RAPGEF4: variants seen among roughly 807,000 people sequenced by gnomAD.
RAPGEF4 encodes the protein RAP guanine-nucleotide-exchange factor (GEF) 4.
In RAPGEF4, 66 loss-of-function variants were observed where a neutral mutation model predicts 147.9. That is an observed-to-expected ratio of 0.45 (90% CI 0.37 to 0.55). The LOEUF (loss-of-function observed/expected upper bound fraction) is 0.55, where lower values mean the gene tolerates loss of function less well. Ranked by LOEUF, RAPGEF4 falls within the 20% of genes least tolerant of loss-of-function variation. The probability of loss-of-function intolerance (pLI) is 0.00; values close to 1 mark genes in which losing one functional copy is unlikely to be tolerated. For synonymous variants in RAPGEF4, 419 were observed against 442.7 expected, an observed-to-expected ratio of 0.95 and a Z score of 0.67; for missense variants, 1,071 against 1,257.3, an observed-to-expected ratio of 0.85 and a Z score of 2.24.
At chr2:172,981,282 A>G (rs981511115) in intron 10 of RAPGEF4, among the ~76,000 whole-genome samples, 1 of 152,170 alleles carries the variant, frequency 6.6e-6, no homozygotes, top group Non-Finnish European at 1.5e-5. Context: ...CCATAATCCT[A>G]TTACGCCTAC....
Position 173,042,906 on chromosome 2 carries a change from G to A in RAPGEF4, c.2854-5694G>A, listed in dbSNP as rs548189141. Among the ~76,000 whole-genome samples, 154 of 152,278 alleles carry A rather than the reference G, an allele frequency of 1.0e-3. No individual in the cohort carries two copies. The highest frequency in any genetic ancestry group is 3.5e-3 in the African/African-American group (144 of 41,542). On this transcript the variant is annotated intron_variant, in intron 29 of 30. Coordinates refer to ENST00000397081, the MANE Select transcript of RAPGEF4 (RefSeq NM_007023.4). The surrounding 1 kb of genome is among the most constrained non-coding windows in gnomAD (Gnocchi z 4.2). ...AGCATCATGCATGTGTTACACATGCGTATCTGCATGTCATACACCTCTTGG... is the reference window on the plus strand; with the variant it reads ...AGCATCATGCATGTGTTACACATGCATATCTGCATGTCATACACCTCTTGG...
intron 29 of RAPGEF4, 69 bp from the exon 30 acceptor site, chr2:173,048,530 GT>G (rs1441141303): frequency 1.0e-5 from 16 of 1,599,308 alleles, no homozygotes; most frequent in Non-Finnish European, 1.2e-5. Flanking sequence ...GAAATGGTTT[GT>G]TTTCCTTTTT....
chr2:172,872,647 G>A (rs1695369685), intron 4 of RAPGEF4, among the ~76,000 whole-genome samples: 2 of 152,086 alleles, frequency 1.3e-5, no homozygotes, highest in African/African-American at 4.8e-5. Context: ...AAAATATGTG[G>A]CACTTCCCCC....
intron 4 of RAPGEF4, among the ~76,000 whole-genome samples, chr2:172,852,331 A>G (rs1692943223): frequency 6.6e-6 from 1 of 152,192 alleles, no homozygotes; most frequent in Admixed American, 6.5e-5. Flanking sequence ...TCTTAAGCTA[A>G]TGAATTGTCA....
In RAPGEF4 at chr2:172,892,355, C is replaced by A. The variant is rs1352579813; in HGVS notation, c.445-25447C>A. On this transcript the variant is annotated intron_variant, in intron 4 of 30. Transcript: ENST00000397081. ...TAACCATTGACTCCACTGCCCTTTCCTTATCAATAGTTGAATATGTGCCCT... is the reference window on the plus strand; with the variant it reads ...TAACCATTGACTCCACTGCCCTTTCATTATCAATAGTTGAATATGTGCCCT... Among the ~76,000 whole-genome samples the A allele has an allele frequency of 2.6e-5, 4 of 152,176 alleles. No homozygotes were observed. In the East Asian group the frequency reaches 7.7e-4, roughly 29 times the overall value.
chr2:172,897,476 G>A (rs1263763474), intron 4 of RAPGEF4, among the ~76,000 whole-genome samples: 1 of 152,028 alleles, frequency 6.6e-6, no homozygotes, highest in Non-Finnish European at 1.5e-5. Flanking sequence ...ATGGCTTACG[G>A]CAGCCTTGAC....
chr2:172,869,935 T>C (rs1695039004), intron 4 of RAPGEF4, among the ~76,000 whole-genome samples: 1 of 152,132 alleles, frequency 6.6e-6, no homozygotes, highest in South Asian at 2.1e-4. Flanking sequence ...CTGGAAATCA[T>C]AGGTGCTTAA....
In RAPGEF4 at chr2:172,785,181, CAGTA is replaced by C. The variant is rs557475688; in HGVS notation, c.66-9840_66-9837del. ...ACAGGGCTGCAATGATCAAAATTTT[CAGTA>C]AGTGTCAAGGCCCTTTGAAAAGCTA... On this transcript the variant is annotated intron_variant, in intron 1 of 30. Coordinates refer to ENST00000397081, the MANE Select transcript of RAPGEF4 (RefSeq NM_007023.4). Among the ~76,000 whole-genome samples, 5 of 152,284 alleles carry C rather than the reference CAGTA, an allele frequency of 3.3e-5. 1 individual carries two copies. Among genetic ancestry groups the C allele is most frequent in the African/African-American group, 1.2e-4 (5 of 41,566 alleles).
intron 4 of RAPGEF4, among the ~76,000 whole-genome samples, chr2:172,836,226 T>C (rs1690908034): frequency 2.0e-5 from 3 of 152,318 alleles, no homozygotes; most frequent in Middle Eastern, 6.8e-3. Context: ...AAATCTCTCA[T>C]GTATGGACAC....
intron 4 of RAPGEF4, among the ~76,000 whole-genome samples, chr2:172,891,624 G>C (rs995804268): frequency 2.6e-5 from 4 of 152,186 alleles, no homozygotes; most frequent in Non-Finnish European, 5.9e-5. Context: ...CAGATGGAAG[G>C]GGACATAGAT....
chr2:173,031,169 G>A (rs949185553), intron 26 of RAPGEF4, among the ~76,000 whole-genome samples: 7 of 151,774 alleles, frequency 4.6e-5, no homozygotes, highest in African/African-American at 9.7e-5. Context: ...TTCTTTTTCC[G>A]TCCCTCCTAA....
chr2:172,881,108 C>T (rs57440334), intron 4 of RAPGEF4, among the ~76,000 whole-genome samples: 3,163 of 152,284 alleles, frequency 0.021, 70 homozygotes, highest in East Asian at 0.1. Flanking sequence ...AGAAATACTG[C>T]CCACGCTTGT....
At chr2:173,036,843 A>G in intron 29 of RAPGEF4, 151 bp downstream of exon 29, 1 of 543,274 alleles carries the variant, frequency 1.8e-6, no homozygotes, top group Admixed American at 3.3e-5. Flanking sequence ...CAAATTGGCT[A>G]CCTATTCTAT....
At chr2:172,879,481 C>CT (rs1696358531) in intron 4 of RAPGEF4, among the ~76,000 whole-genome samples, 1 of 152,102 alleles carries the variant, frequency 6.6e-6, no homozygotes, top group South Asian at 2.1e-4. Flanking sequence ...CGAAGCGGGA[C>CT]TTTTAATTTT....
chr2:172,765,266 C>T (rs538332581), intron 1 of RAPGEF4, among the ~76,000 whole-genome samples: 2 of 152,270 alleles, frequency 1.3e-5, no homozygotes, highest in Admixed American at 6.5e-5. Flanking sequence ...CTCTTCTTAA[C>T]GAATTACATC....
chr2:173,046,165 C>T (rs1685446658), intron 29 of RAPGEF4, among the ~76,000 whole-genome samples: 2 of 152,168 alleles, frequency 1.3e-5, no homozygotes, highest in Admixed American at 1.3e-4. Context: ...CTGAAGTTAT[C>T]TTTGAGAACA....
intron 4 of RAPGEF4, among the ~76,000 whole-genome samples, chr2:172,898,057 C>T (rs1262674250): frequency 2.0e-5 from 3 of 151,948 alleles, no homozygotes; most frequent in Admixed American, 6.6e-5. Context: ...GTGGGGACTC[C>T]GGGGTGGCAA....
chr2:172,909,198 A>G (rs553704066), intron 4 of RAPGEF4, among the ~76,000 whole-genome samples: 3 of 152,188 alleles, frequency 2.0e-5, no homozygotes, highest in Non-Finnish European at 4.4e-5. Context: ...TTCTCTGGAC[A>G]TGAGCAGGAT....
chr2:173,018,930 C>T, intron 22 of RAPGEF4, 128 bp downstream of exon 22: 1 of 1,026,574 alleles, frequency 9.7e-7, no homozygotes, highest in South Asian at 1.6e-5. Context: ...ATGTATGCTT[C>T]CACTAATAAC....
Sources: gnomAD v4.1 joint callset for allele counts (sites outside exome capture counted in the v4.1 genomes callset) on GRCh38, gnomAD v4.1.1 for gene constraint, Gnocchi (gnomAD v3.1) non-coding constraint, MANE v1.5 for transcripts, NCBI Gene and HGNC (gene_info 2026-07-23, HGNC 2026-07-21) for gene names.